Variants in DNAJA3 observed in about 807,000 individuals in gnomAD.
DNAJA3 encodes the protein dnaJ homolog subfamily A member 3, mitochondrial.
Under a neutral mutation model 54.9 loss-of-function variants are expected in DNAJA3, and 29 were observed. That is an observed-to-expected ratio of 0.53 (90% CI 0.39 to 0.72). DNAJA3 has a LOEUF of 0.72. DNAJA3 is among the 30% of genes least tolerant of loss of function. The pLI, the probability that DNAJA3 is intolerant of heterozygous loss-of-function variation, is 0.00. For synonymous variants in DNAJA3, 302 were observed against 251.4 expected, an observed-to-expected ratio of 1.20 and a Z score of -1.90; for missense variants, 708 against 639.4, an observed-to-expected ratio of 1.11 and a Z score of -1.16.
At chr16:4,427,311 G>A (rs1229553102) in intron 1 of DNAJA3, 5 of 152,108 alleles carry the variant, frequency 3.3e-5, no homozygotes, top group East Asian at 1.9e-4. Context: ...TGTGCAAATG[G>A]TATTTAAGCT....
rs1364360735 is a variant in DNAJA3, at chr16:4,442,324, C to T, written c.687C>T (p.Thr229=). ...QAAKGVNKEF[T]VNIMDTCERC... is the part of the protein sequence containing the mutation. ...CAAAGGGGGTCAACAAGGAGTTCAC[C>T]GTGAACATCATGGACACGTGTGAGC... The change falls in exon 5 of 12, where the codon ACC becomes ACT. Residue 229 remains threonine, a synonymous_variant. Coordinates refer to ENST00000262375, the MANE Select transcript of DNAJA3 (RefSeq NM_005147.6). The T allele has an allele frequency of 2.2e-5, 35 of 1,607,730 alleles. 1 individual carries two copies. The highest frequency in any genetic ancestry group is 2.7e-5 in the Non-Finnish European group (32 of 1,176,784).
Position 4,448,739 on chromosome 16 carries a change from C to T in DNAJA3, c.1132C>T (p.Pro378Ser). The change falls in exon 9 of 12, where the codon CCT becomes TCT. Residue 378 changes from proline (P) to serine (S), a missense_variant. Coordinates refer to ENST00000262375, the MANE Select transcript of DNAJA3 (RefSeq NM_005147.6). ...LYETINVTIP[P>S]GTQTDQKIRM... ...AGATTTTCTTTCTTTATAGATCCCCCCTGGGACTCAGACAGACCAGAAGAT... is the reference window on the plus strand; with the variant it reads ...AGATTTTCTTTCTTTATAGATCCCCTCTGGGACTCAGACAGACCAGAAGAT... The T allele has an allele frequency of 6.2e-7, 1 of 1,613,616 alleles. No individual in the cohort carries two copies. Among genetic ancestry groups the T allele is most frequent in the Non-Finnish European group, 8.5e-7 (1 of 1,179,652 alleles).
In DNAJA3 at chr16:4,436,319, G is replaced by T. The variant is rs541391459; in HGVS notation, c.346-1083G>T. ...AGTGGGAAAAGATTGAAAAGATGGA[G>T]GCTGGGTTGGACTCACATGACAGTT... On this transcript the variant is annotated intron_variant, in intron 2 of 11. Transcript: ENST00000262375. Among the ~76,000 whole-genome samples the T allele has an allele frequency of 1.1e-3, 171 of 152,312 alleles. 2 individuals are homozygous for T. The highest frequency in any genetic ancestry group is 1.5e-3 in the Non-Finnish European group (103 of 68,040).
chr16:4,444,922 G>T (rs1346008024), intron 7 of DNAJA3, among the ~76,000 whole-genome samples, 194 bp downstream of exon 7: 1 of 152,184 alleles, frequency 6.6e-6, no homozygotes, highest in African/African-American at 2.4e-5. Context: ...TGTGTGGAGA[G>T]AAGACAACTT....
At chr16:4,448,227 A>G (rs1423938961) in intron 8 of DNAJA3, among the ~76,000 whole-genome samples, 1 of 150,812 alleles carries the variant, frequency 6.6e-6, no homozygotes, top group Non-Finnish European at 1.5e-5. Flanking sequence ...GGGTTTCACC[A>G]TGTTGGCCAG....
rs1288567127 is a variant in DNAJA3, at chr16:4,456,685, G to GCAT, written c.*1155_*1157dup. The GCAT allele has an allele frequency of 6.6e-6, 1 of 152,632 alleles. No homozygotes were observed. The highest frequency in any genetic ancestry group is 1.5e-5 in the Non-Finnish European group (1 of 68,038). The allele number at this position is 152,632 out of a possible 1,614,324, so 9.5% of individuals were successfully genotyped here. A position where few individuals can be genotyped will look rare whatever the true frequency, so the allele number is the denominator to read the frequency against. ...TTCCTTTATAATTCACTAAAATAAA[G>GCAT]CATCTATTAGTGTCTGATTTAGGAA... On this transcript the variant is annotated 3_prime_UTR_variant, in exon 12 of 12. Transcript: ENST00000262375.
At chr16:4,426,175 G>A (rs1165888018) in intron 1 of DNAJA3, 83 bp downstream of exon 1, 2 of 1,352,794 alleles carry the variant, frequency 1.5e-6, no homozygotes, top group East Asian at 3.0e-5. Flanking sequence ...CGGCTGCAGG[G>A]GTAGTGGGGT....
chr16:4,434,156 A>C (rs2056742336), intron 1 of DNAJA3: 1 of 512,426 alleles, frequency 2.0e-6, no homozygotes, highest in Non-Finnish European at 3.4e-6. Flanking sequence ...TCGCGAGACC[A>C]GCATGGAGGT....
chr16:4,452,053 T>C (rs542088368), intron 10 of DNAJA3, among the ~76,000 whole-genome samples: 115 of 151,946 alleles, frequency 7.6e-4, no homozygotes, highest in Non-Finnish European at 1.3e-3. Flanking sequence ...CTGGGTGACA[T>C]AGCGAGACTC....
intron 1 of DNAJA3, chr16:4,433,804 A>G (rs1449430782): frequency 6.5e-6 from 1 of 152,876 alleles, no homozygotes; most frequent in African/African-American, 2.4e-5. Flanking sequence ...CCACTCCAGT[A>G]GTATAAGCGA....
chr16:4,435,280 A>G (rs2056760225), intron 2 of DNAJA3, among the ~76,000 whole-genome samples: 1 of 152,034 alleles, frequency 6.6e-6, no homozygotes, highest in Non-Finnish European at 1.5e-5. Flanking sequence ...GTAAAGTTGT[A>G]TACGAGATGT....
chr16:4,432,126 T>C (rs1195503615), intron 1 of DNAJA3, among the ~76,000 whole-genome samples: 2 of 150,640 alleles, frequency 1.3e-5, no homozygotes, highest in South Asian at 2.1e-4. Flanking sequence ...CTCTTTTTTT[T>C]CCATGTCATA....
intron 10 of DNAJA3, among the ~76,000 whole-genome samples, chr16:4,453,892 C>G (rs1226890056): frequency 1.3e-5 from 2 of 152,208 alleles, no homozygotes. Context: ...GCCTAGGTCT[C>G]TGAGCACATT....
chr16:4,434,568 T>TG (rs2056749239), intron 2 of DNAJA3, 51 bp downstream of exon 2: 1 of 1,588,094 alleles, frequency 6.3e-7, no homozygotes, highest in Non-Finnish European at 8.6e-7. Context: ...GGAATGTTGT[T>TG]GATCCCATGT....
At chr16:4,437,517 T>C in intron 3 of DNAJA3, 32 bp downstream of exon 3, 1 of 1,570,472 alleles carries the variant, frequency 6.4e-7, no homozygotes. Flanking sequence ...CGGTCACTGC[T>C]GTTCAGCTAT....
chr16:4,433,719 A>G (rs1166789146), intron 1 of DNAJA3: 1 of 152,264 alleles, frequency 6.6e-6, no homozygotes, highest in African/African-American at 2.4e-5. Flanking sequence ...CTCATGTGGC[A>G]TAAGAGGGGG....
In DNAJA3 at chr16:4,443,002, T is replaced by C; in HGVS notation, c.784-15T>C. The C allele has an allele frequency of 1.2e-6, 2 of 1,611,524 alleles. No individual in the cohort carries two copies. The highest frequency in any genetic ancestry group is 1.7e-6 in the Non-Finnish European group (2 of 1,178,416). The stretch of plus-strand genomic sequence containing the variant: ...ACCTGCGTACTTAGGTTACCATTTT[T>C]CTTGTTTTTATCAGGAAACCATCAA... On this transcript the variant is annotated splice_polypyrimidine_tract_variant and intron_variant, in intron 5 of 11. Coordinates refer to ENST00000262375, the MANE Select transcript of DNAJA3 (RefSeq NM_005147.6).
At chr16:4,453,566 T>C (rs2057001395) in intron 10 of DNAJA3, among the ~76,000 whole-genome samples, 2 of 152,000 alleles carry the variant, frequency 1.3e-5, no homozygotes, top group African/African-American at 4.8e-5. Context: ...GCCTCCCGAG[T>C]AGCTGGGACT....
intron 1 of DNAJA3, chr16:4,427,223 C>G (rs2056635635): frequency 6.6e-6 from 1 of 152,176 alleles, no homozygotes; most frequent in African/African-American, 2.4e-5. Context: ...CCTGCTTAGC[C>G]TTCTTTTCTT....
Sources: allele counts gnomAD v4.1 joint callset (sites outside exome capture counted in the v4.1 genomes callset), GRCh38; gene constraint gnomAD v4.1.1; transcripts MANE v1.5; gene names NCBI Gene and HGNC (gene_info 2026-07-23, HGNC 2026-07-21).